The following ALDH1L2 variants were observed in gnomAD, a reference collection of about 807,000 sequenced individuals.
ALDH1L2 encodes aldehyde dehydrogenase 1 family member L2.
In ALDH1L2, 91 loss-of-function variants were observed where a neutral mutation model predicts 111.0. The observed-to-expected ratio is 0.82, with a 90% CI of 0.69 to 0.98. The LOEUF is 0.98. ALDH1L2 is among the 50% of genes least tolerant of loss of function. The pLI, the probability that ALDH1L2 is intolerant of heterozygous loss-of-function variation, is 0.00. For synonymous variants in ALDH1L2, 374 were observed against 392.6 expected (o/e 0.95, Z 0.56); for missense variants, 995 against 1,126.8 (o/e 0.88, Z 1.67).
intron 12 of ALDH1L2, among the ~76,000 whole-genome samples, chr12:105,051,316 T>C (rs1449735983): frequency 6.6e-6 from 1 of 152,128 alleles, no homozygotes; most frequent in Non-Finnish European, 1.5e-5. Context: ...CGCAGAATAT[T>C]GGTGAACTGA....
chr12:105,061,927 T>C (rs955157079), intron 7 of ALDH1L2, among the ~76,000 whole-genome samples, 175 bp from the exon 8 acceptor site: 1 of 152,164 alleles, frequency 6.6e-6, no homozygotes, highest in African/African-American at 2.4e-5. Context: ...ACTTGAATAA[T>C]GGCAGCAGAA....
chr12:105,047,052 T>A, intron 13 of ALDH1L2, 83 bp from the exon 14 acceptor site: 2 of 1,472,682 alleles, frequency 1.4e-6, no homozygotes, highest in Non-Finnish European at 1.9e-6. Context: ...TCTGTCTTCC[T>A]CTCTTACTTT....
At chr12:105,044,238 G>T (rs898123987) in intron 15 of ALDH1L2, among the ~76,000 whole-genome samples, 3 of 152,114 alleles carry the variant, frequency 2.0e-5, no homozygotes, top group African/African-American at 4.8e-5. Context: ...CTCAAAGAAT[G>T]TTTGTAATTT....
chr12:105,045,153 C>T (rs889864473), intron 15 of ALDH1L2, among the ~76,000 whole-genome samples: 8 of 152,016 alleles, frequency 5.3e-5, no homozygotes, highest in East Asian at 1.9e-4. Flanking sequence ...GTGCAACCTC[C>T]GCTCACTGCA....
intron 10 of ALDH1L2, among the ~76,000 whole-genome samples, chr12:105,053,274 A>T (rs755959147): frequency 6.6e-6 from 1 of 152,268 alleles, no homozygotes; most frequent in African/African-American, 2.4e-5. Flanking sequence ...TGTTGCCTTC[A>T]TTGAAATCAT....
chr12:105,040,359 A>G (rs1285527401), intron 16 of ALDH1L2, among the ~76,000 whole-genome samples: 2 of 152,148 alleles, frequency 1.3e-5, no homozygotes, highest in African/African-American at 4.8e-5. Context: ...TTGAAAATCA[A>G]AATGGAACAT....
chr12:105,029,074 T>C (rs572637031), intron 21 of ALDH1L2, among the ~76,000 whole-genome samples: 2 of 150,580 alleles, frequency 1.3e-5, no homozygotes, highest in South Asian at 2.1e-4. Flanking sequence ...TCGCCTAGGC[T>C]GCAGTGCAGT....
chr12:105,060,713 A>C (rs1876935982), intron 9 of ALDH1L2: 1 of 241,550 alleles, frequency 4.1e-6, no homozygotes, highest in East Asian at 9.1e-5. Context: ...AATCCCAGCT[A>C]CTCGGGAGGC....
At chr12:105,028,620 A>G (rs894636136) in intron 21 of ALDH1L2, among the ~76,000 whole-genome samples, 3 of 152,228 alleles carry the variant, frequency 2.0e-5, no homozygotes, top group Non-Finnish European at 4.4e-5. Flanking sequence ...GGACTCTGCT[A>G]AAACTCTCAC....
In ALDH1L2 at chr12:105,031,885, G is replaced by A; in HGVS notation, c.2294C>T (p.Thr765Ile). 6.2e-7 allele frequency: 1 copy of A among 1,614,154 alleles called. No individual in the cohort carries two copies. Among genetic ancestry groups the A allele is most frequent in the South Asian group, 1.1e-5 (1 of 91,084 alleles). Residue 765 changes from threonine to isoleucine, a missense_variant, in exon 20 of 23, where the codon ACT (threonine) becomes ATT (isoleucine). Thr to Ile is a moderately conservative substitution (Grantham distance 89). Coordinates refer to ENST00000258494, the MANE Select transcript of ALDH1L2 (RefSeq NM_001034173.4). ...CTTATGATTTTGGGGCCCATGATCA[G>A]TGGATCTGTCAAGTGGATCACCAAT... ...MKIGDPLDRS[T>I]DHGPQNHKAH... is the part of the protein sequence containing the mutation.
rs1195129438 is a variant in ALDH1L2 at position 105,039,746 on chromosome 12, C to G, written c.2012G>C (p.Gly671Ala). The change falls in exon 17 of 23, where the codon GGA (glycine) becomes GCA (alanine). Residue 671 changes from glycine to alanine, a missense_variant. Gly to Ala is a moderately conservative substitution (Grantham distance 60, BLOSUM62 0). Transcript: ENST00000258494. ...HPDIRKLGFT[G>A]STPIGKQIMK... ...GATCTGTTTGCCAATAGGAGTGGAT[C>G]CAGTGAAACCAAGTTTGCGGATGTC... 14 of 1,613,814 alleles carry G rather than the reference C, an allele frequency of 8.7e-6. No homozygotes were observed. The highest frequency in any genetic ancestry group is 1.3e-5 in the African/African-American group (1 of 74,880).
chr12:105,059,962 A>G lies in ALDH1L2; in HGVS notation c.1139+1019T>C, dbSNP rs138220991. ...TGAGCTCCAGCTGTCTTGTTATCCC[A>G]GTTACTCGAAGAAAAACACCTCTGA... On this transcript the variant is annotated intron_variant, in intron 9 of 22. Transcript: ENST00000258494. Among the ~76,000 whole-genome samples, 650 of 152,298 alleles carry G rather than the reference A, an allele frequency of 4.3e-3. 3 individuals carry two copies. Among genetic ancestry groups the G allele is most frequent in the African/African-American group, 0.015 (605 of 41,562 alleles).
At chr12:105,084,173 C>T (rs11112362) in intron 1 of ALDH1L2, among the ~76,000 whole-genome samples, 132,007 of 152,244 alleles carry the variant, frequency 0.87, 57,471 homozygotes, top group East Asian at 1. Flanking sequence ...AGACAATGGC[C>T]TGCGTGCCAG....
intron 10 of ALDH1L2, 146 bp downstream of exon 10, chr12:105,057,927 A>AT: frequency 1.0e-6 from 1 of 1,004,882 alleles, no homozygotes; most frequent in Non-Finnish European, 1.4e-6. Context: ...TTAAAGGGGA[A>AT]TTTTATGCCA....
chr12:105,053,391 C>T (rs552233477), intron 10 of ALDH1L2, among the ~76,000 whole-genome samples: 2 of 152,128 alleles, frequency 1.3e-5, no homozygotes, highest in Admixed American at 6.5e-5. Flanking sequence ...ACATGTGTTG[C>T]GTAAATTGTA....
intron 7 of ALDH1L2, among the ~76,000 whole-genome samples, chr12:105,062,559 C>T (rs1487019994): frequency 6.6e-6 from 1 of 152,156 alleles, no homozygotes; most frequent in Non-Finnish European, 1.5e-5. Flanking sequence ...CAGAATCTGG[C>T]ATTGGGAAGG....
intron 19 of ALDH1L2, 77 bp from the exon 20 acceptor site, chr12:105,032,011 A>C: frequency 6.7e-7 from 1 of 1,483,790 alleles, no homozygotes. Context: ...TAGGTGTTAT[A>C]CTAAGGTGTT....
intron 15 of ALDH1L2, among the ~76,000 whole-genome samples, chr12:105,041,060 CAAG>C (rs1323026229): frequency 3.3e-5 from 5 of 152,128 alleles, no homozygotes; most frequent in Admixed American, 6.5e-5. Context: ...TTCTATAAAA[CAAG>C]AAATTCTTTT....
At chr12:105,065,170 CAAGG>C (rs775317939) in intron 6 of ALDH1L2, 93 bp downstream of exon 6, 174 of 788,418 alleles carry the variant, frequency 2.2e-4, no homozygotes, top group Non-Finnish European at 2.9e-4. Flanking sequence ...GCCTCATGAC[CAAGG>C]AAGAACCATG....
Sources: allele counts gnomAD v4.1 joint callset (sites outside exome capture counted in the v4.1 genomes callset), GRCh38; gene constraint gnomAD v4.1.1; transcripts MANE v1.5; gene names NCBI Gene and HGNC (gene_info 2026-07-23, HGNC 2026-07-21).